Variants in RAD54B observed in about 807,000 individuals in gnomAD.
The protein encoded by RAD54B is RAD54 homolog B.
RAD54B carries 78 observed loss-of-function variants against 95.8 expected under a neutral mutation model. The observed-to-expected ratio is 0.81, with a 90% CI of 0.68 to 0.98. The LOEUF is 0.98. Ranked by LOEUF, RAD54B falls within the 50% of genes least tolerant of loss-of-function variation. The probability of loss-of-function intolerance (pLI) is 0.00; values close to 1 mark genes in which losing one functional copy is unlikely to be tolerated. For missense variants in RAD54B, 957 were observed against 1,056.6 expected, an observed-to-expected ratio of 0.91 and a Z score of 1.31; for synonymous variants, 328 against 354.9, an observed-to-expected ratio of 0.92 and a Z score of 0.85.
rs1810454315 is a variant in RAD54B at position 94,372,119 on chromosome 8, C to T, written c.*51G>A. On this transcript the variant is annotated 3_prime_UTR_variant, in exon 15 of 15. Coordinates refer to ENST00000336148, the MANE Select transcript of RAD54B (RefSeq NM_012415.3). Reference sequence around the variant, plus strand: ...AATTTTCAAAAAGTACATTTAATTACCATACTAATTTTCAAAAGAAGAGCA... The same window carrying T: ...AATTTTCAAAAAGTACATTTAATTATCATACTAATTTTCAAAAGAAGAGCA... 2.6e-6 allele frequency: 4 copies of T among 1,523,990 alleles called. No individual in the cohort carries two copies. The highest frequency in any genetic ancestry group is 1.3e-5 in the South Asian group (1 of 76,284). 94.4% of individuals were successfully genotyped at this position (1,523,990 alleles called of 1,614,324 possible).
At chr8:94,428,373 CAAGGGGG>C in intron 3 of RAD54B, 4 of 959,234 alleles carry the variant, frequency 4.2e-6, no homozygotes, top group Non-Finnish European at 3.7e-6. Context: ...CCTCAGTATC[CAAGGGGG>C]ATTGGTTTCA....
chr8:94,457,720 T>C (rs1263484391), intron 3 of RAD54B, among the ~76,000 whole-genome samples: 1 of 152,218 alleles, frequency 6.6e-6, no homozygotes, highest in Non-Finnish European at 1.5e-5. Flanking sequence ...CTATGAACCA[T>C]CTTAATTATT....
intron 3 of RAD54B, among the ~76,000 whole-genome samples, chr8:94,456,795 C>T (rs1232403897): frequency 2.0e-5 from 3 of 152,172 alleles, no homozygotes; most frequent in Non-Finnish European, 4.4e-5. Flanking sequence ...TATGCTACAT[C>T]CCTCTCCAAC....
chr8:94,406,042 C>G (rs1811383198), intron 5 of RAD54B, among the ~76,000 whole-genome samples: 1 of 126,464 alleles, frequency 7.9e-6, no homozygotes, highest in Non-Finnish European at 1.8e-5. Context: ...ATATAAAATT[C>G]ACATGTACAC....
intron 3 of RAD54B, among the ~76,000 whole-genome samples, chr8:94,415,874 G>A (rs1811650455): frequency 6.6e-6 from 1 of 151,992 alleles, no homozygotes; most frequent in African/African-American, 2.4e-5. Context: ...AACAACAGGT[G>A]CTGGAGAGGA....
intron 3 of RAD54B, chr8:94,429,375 A>G (rs1306575936): frequency 1.4e-6 from 1 of 703,312 alleles, no homozygotes; most frequent in Non-Finnish European, 1.7e-6. Flanking sequence ...CCAAAAATAA[A>G]AAAGATGTAT....
intron 7 of RAD54B, 33 bp from the exon 8 acceptor site, chr8:94,399,654 G>T (rs368820817): frequency 1.3e-4 from 199 of 1,560,062 alleles, no homozygotes; most frequent in Middle Eastern, 2.3e-4. Context: ...TAAAAATCAG[G>T]AACAGAAACT....
At chr8:94,407,830 C>A in intron 4 of RAD54B, 110 bp from the exon 5 acceptor site, 3 of 764,910 alleles carry the variant, frequency 3.9e-6, no homozygotes, top group South Asian at 2.9e-5. Flanking sequence ...TTATATAATG[C>A]ATTAGCCAAA....
intron 8 of RAD54B, 149 bp downstream of exon 8, chr8:94,399,265 A>G: frequency 1.5e-6 from 1 of 661,718 alleles, no homozygotes; most frequent in Non-Finnish European, 2.5e-6. Context: ...TTGAAGATTC[A>G]GAATCCTACC....
intron 12 of RAD54B, 81 bp downstream of exon 12, chr8:94,380,064 T>A: frequency 7.0e-7 from 1 of 1,421,380 alleles, no homozygotes. Context: ...ATATTATATA[T>A]CATCATTATC....
chr8:94,441,204 CAG>C (rs1812389352), intron 3 of RAD54B, among the ~76,000 whole-genome samples: 1 of 152,180 alleles, frequency 6.6e-6, no homozygotes, highest in African/African-American at 2.4e-5. Flanking sequence ...ATTGTGCACT[CAG>C]GGAGCTCAGA....
Position 94,417,615 on chromosome 8 carries a change from A to C in RAD54B, c.305-6300T>G, listed in dbSNP as rs565262666. 7.9e-5 allele frequency among the ~76,000 whole-genome samples: 12 copies of C among 152,228 alleles called. No individual in the cohort carries two copies. In the South Asian group the frequency reaches 2.5e-3, roughly 32 times the overall value. On this transcript the variant is annotated intron_variant, in intron 3 of 14. Transcript: ENST00000336148. ...GGTTTCGCAGACTCTTTAAAAGTTA[A>C]ACATACACCTACCATAACCAGCCAT... is the stretch of plus-strand genomic sequence containing the variant.
chr8:94,439,732 T>C (rs1267819149), intron 3 of RAD54B, among the ~76,000 whole-genome samples: 1 of 152,208 alleles, frequency 6.6e-6, no homozygotes, highest in Non-Finnish European at 1.5e-5. Flanking sequence ...GTTTTCTGGT[T>C]TACAATTGGT....
In RAD54B at chr8:94,378,171, ATAAC is replaced by A. The variant is rs757394051; in HGVS notation, c.2515+5_2515+8del. On this transcript the variant is annotated splice_donor_5th_base_variant and intron_variant, in intron 14 of 14. Transcript: ENST00000336148. ...TACTACATAGTAACAGAATTAAAAT[ATAAC>A]TAACCTGTATGAACTTCTTCTCCTG... 6.3e-7 allele frequency: 1 copy of A among 1,578,908 alleles called. No individual in the cohort carries two copies. The highest frequency in any genetic ancestry group is 1.4e-5 in the African/African-American group (1 of 73,308).
intron 3 of RAD54B, among the ~76,000 whole-genome samples, chr8:94,449,126 A>G (rs1433210387): frequency 6.6e-6 from 1 of 151,886 alleles, no homozygotes; most frequent in Admixed American, 6.6e-5. Flanking sequence ...TGCACAATAA[A>G]ATTTATTTTT....
intron 3 of RAD54B, 81 bp from the exon 4 acceptor site, chr8:94,411,396 G>C (rs770549395): frequency 4.7e-6 from 5 of 1,073,700 alleles, no homozygotes; most frequent in Non-Finnish European, 6.5e-6. Context: ...AAACCAAAAG[G>C]CACAAGAAAA....
chr8:94,471,254 C>G (rs2130212704), intron 1 of RAD54B, among the ~76,000 whole-genome samples: 1 of 136,274 alleles, frequency 7.3e-6, no homozygotes, highest in South Asian at 2.4e-4. Flanking sequence ...GTGAATGATA[C>G]CATTAATGGG....
intron 14 of RAD54B, among the ~76,000 whole-genome samples, chr8:94,373,755 C>T (rs1810497224): frequency 6.6e-6 from 1 of 152,066 alleles, no homozygotes; most frequent in Admixed American, 6.5e-5. Flanking sequence ...ATCCTAAGAG[C>T]AATAGGAAGC....
intron 3 of RAD54B, among the ~76,000 whole-genome samples, chr8:94,422,906 T>TATTC (rs1811858884): frequency 6.6e-6 from 1 of 150,836 alleles, no homozygotes; most frequent in South Asian, 2.1e-4. Context: ...CTTTTGGAGT[T>TATTC]ATTCACCCTC....
Sources: gnomAD v4.1 joint callset for allele counts (sites outside exome capture counted in the v4.1 genomes callset) on GRCh38, gnomAD v4.1.1 for gene constraint, MANE v1.5 for transcripts, NCBI Gene and HGNC (gene_info 2026-07-23, HGNC 2026-07-21) for gene names.